NWD1: variants seen among roughly 807,000 people sequenced by gnomAD.
NWD1 encodes the protein NACHT domain- and WD repeat-containing protein 1.
NWD1 carries 129 observed loss-of-function variants against 135.1 expected under a neutral mutation model. The ratio of observed to expected loss-of-function variants is 0.96; its 90% confidence interval spans 0.83 to 1.11. The LOEUF (loss-of-function observed/expected upper bound fraction) is 1.11, where lower values mean the gene tolerates loss of function less well. NWD1 is among the 50% of genes least tolerant of loss of function. The pLI is 0.00. For missense variants in NWD1, 1,740 were observed against 1,851.3 expected, an observed-to-expected ratio of 0.94 and a Z score of 1.10; for synonymous variants, 773 against 786.0, an observed-to-expected ratio of 0.98 and a Z score of 0.28.
At chr19:16,726,846 AC>A (rs1967349606) in intron 2 of NWD1, among the ~76,000 whole-genome samples, 1 of 152,152 alleles carries the variant, frequency 6.6e-6, no homozygotes, top group Non-Finnish European at 1.5e-5. Flanking sequence ...CCTGGTCTCC[AC>A]CCACGTGATG....
At chr19:16,764,361 GTCCATCCATCCATCCATCCA>G (rs71180332) in intron 9 of NWD1, among the ~76,000 whole-genome samples, 13,547 of 145,130 alleles carry the variant, frequency 0.093, 1,069 homozygotes, top group African/African-American at 0.22. Context: ...CCCATCTTCT[GTCCATCCATCCATCCATCCA>G]TCCATCCATC....
intron 12 of NWD1, among the ~76,000 whole-genome samples, chr19:16,787,454 G>A (rs1473007546): frequency 6.6e-6 from 1 of 152,134 alleles, no homozygotes; most frequent in African/African-American, 2.4e-5. Context: ...GCAACTGATT[G>A]ACTCCCAACC....
In NWD1 at chr19:16,789,075, G is replaced by T; in HGVS notation, c.2825G>T (p.Gly942Val). 1 of 1,613,684 alleles carries T rather than the reference G, an allele frequency of 6.2e-7. No homozygotes were observed. The highest frequency in any genetic ancestry group is 8.5e-7 in the Non-Finnish European group (1 of 1,179,844). Residue 942 changes from glycine (G) to valine (V), a missense_variant, in exon 13 of 19, where the codon GGC becomes GTC. Gly to Val is a moderately radical substitution (Grantham distance 109). Transcript: ENST00000524140. ...YTLHLWNLLS[G>V]QEKFTIWDGG... ...CTGCACTTGTGGAACTTACTCTCTG[G>T]CCAGGAGAAATTTACCATTTGGGAT...
chr19:16,795,163 G>A (rs923327487), intron 15 of NWD1, among the ~76,000 whole-genome samples: 3 of 152,264 alleles, frequency 2.0e-5, no homozygotes, highest in Non-Finnish European at 4.4e-5. Context: ...TATTCAGCCT[G>A]TGGGGTCACA....
chr19:16,798,094 G>A (rs1970480348), intron 16 of NWD1, among the ~76,000 whole-genome samples: 2 of 152,158 alleles, frequency 1.3e-5, no homozygotes, highest in Admixed American at 6.6e-5. Flanking sequence ...AAAGGAGGTA[G>A]CATTCCCAAA....
chr19:16,720,793 TCTG>T (rs1967106401), intron 1 of NWD1, among the ~76,000 whole-genome samples: 1 of 152,088 alleles, frequency 6.6e-6, no homozygotes, highest in South Asian at 2.1e-4. Flanking sequence ...GACCTCATGA[TCTG>T]CCCTCCTCGG....
intron 10 of NWD1, among the ~76,000 whole-genome samples, chr19:16,767,793 T>C (rs889260621): frequency 3.3e-5 from 5 of 151,908 alleles, no homozygotes; most frequent in African/African-American, 9.7e-5. Context: ...CCCATATCTC[T>C]CCCCATTCTC....
At chr19:16,782,975 T>TCCTC (rs775287717) in intron 12 of NWD1, among the ~76,000 whole-genome samples, 23 of 144,182 alleles carry the variant, frequency 1.6e-4, no homozygotes, top group South Asian at 1.2e-3. Flanking sequence ...CTTCTTTCCT[T>TCCTC]CCTCCCTCCC....
At chr19:16,793,840 G>A (rs1279886925) in intron 14 of NWD1, among the ~76,000 whole-genome samples, 1 of 151,998 alleles carries the variant, frequency 6.6e-6, no homozygotes, top group African/African-American at 2.4e-5. Flanking sequence ...GTCTCCCAAA[G>A]TGCTGGGATT....
intron 12 of NWD1, among the ~76,000 whole-genome samples, chr19:16,782,837 G>GTTTC (rs1969900897): frequency 6.9e-6 from 1 of 145,022 alleles, no homozygotes; most frequent in Non-Finnish European, 1.5e-5. Context: ...TGTTGGCTGT[G>GTTTC]TTTCTTTTTC....
intron 1 of NWD1, among the ~76,000 whole-genome samples, chr19:16,721,779 C>T (rs1018498343): frequency 1.3e-4 from 20 of 152,100 alleles, no homozygotes; most frequent in African/African-American, 3.4e-4. Context: ...TGAATGGTGA[C>T]GCTCAACTCT....
chr19:16,744,981 G>A, intron 5 of NWD1: 1 of 635,112 alleles, frequency 1.6e-6, no homozygotes. Flanking sequence ...CTGGCACAGG[G>A]GCCGTATTAG....
intron 11 of NWD1, among the ~76,000 whole-genome samples, chr19:16,774,142 G>C (rs768382357): frequency 9.2e-6 from 1 of 108,942 alleles, no homozygotes; most frequent in African/African-American, 3.6e-5. Flanking sequence ...TCCATCTACT[G>C]CCCCATCCAT....
chr19:16,722,513 T>A (rs1967177588), intron 1 of NWD1, among the ~76,000 whole-genome samples: 1 of 151,776 alleles, frequency 6.6e-6, no homozygotes, highest in Admixed American at 6.6e-5. Context: ...GGTCTCAAAC[T>A]CCTGACCTCA....
intron 2 of NWD1, among the ~76,000 whole-genome samples, chr19:16,728,262 C>G (rs1599420291): frequency 6.8e-6 from 1 of 146,894 alleles, no homozygotes; most frequent in South Asian, 2.2e-4. Context: ...TATTATGGAA[C>G]ATTTGCTGGG....
intron 17 of NWD1, among the ~76,000 whole-genome samples, chr19:16,806,727 T>C (rs1368919806): frequency 6.8e-6 from 1 of 147,692 alleles, no homozygotes; most frequent in African/African-American, 2.5e-5. Context: ...AATAAATACA[T>C]AAATAGGCTG....
intron 7 of NWD1, among the ~76,000 whole-genome samples, chr19:16,759,763 G>C (rs1448447289): frequency 1.6e-4 from 25 of 152,152 alleles, no homozygotes; most frequent in Non-Finnish European, 3.2e-4. Context: ...GGGAGGCTGA[G>C]GTGGCGGATC....
Position 16,731,265 on chromosome 19 carries a change from G to A in NWD1, c.68G>A (p.Gly23Asp). The A allele has an allele frequency of 1.3e-6, 2 of 1,531,022 alleles. No homozygotes were observed. The highest frequency in any genetic ancestry group is 3.4e-4 in the Middle Eastern group (2 of 5,970). 94.8% of individuals were successfully genotyped at this position (1,531,022 alleles called of 1,614,324 possible). The change falls in exon 3 of 19, where the codon GGC becomes GAC. Residue 23 changes from glycine (G) to aspartate (D), a missense_variant. Gly to Asp is a moderately conservative substitution (Grantham distance 94, BLOSUM62 -1). Coordinates refer to ENST00000524140, the MANE Select transcript of NWD1 (RefSeq NM_001007525.5). Reference sequence around the variant, plus strand: ...TGCCAGACCTTCTGCCAGAGGCACGGCTTGATGTTTGAGGTAACTGGAAGT... The same window carrying A: ...TGCCAGACCTTCTGCCAGAGGCACGACTTGATGTTTGAGGTAACTGGAAGT... ...LKCQTFCQRH[G>D]LMFEVVDLRW... is the part of the protein sequence containing the mutation.
Position 16,750,368 on chromosome 19 carries a change from C to T in NWD1, c.1726C>T (p.Gln576Ter). 3 of 1,604,650 alleles carry T rather than the reference C, an allele frequency of 1.9e-6. No homozygotes were observed. Among genetic ancestry groups the T allele is most frequent in the Non-Finnish European group, 2.6e-6 (3 of 1,176,308 alleles). Residue 576 changes from glutamine (Q) to a stop codon, truncating the protein, a stop_gained, in exon 6 of 19, where the codon CAG (glutamine) becomes TAG (stop). Coordinates refer to ENST00000524140, the MANE Select transcript of NWD1 (RefSeq NM_001007525.5). LOFTEE classifies it high-confidence loss of function. Reference sequence around the variant, plus strand: ...CACCCGCCTGGAGCAGACACACGGGCAGCTCCTCGTGGCCCACGTGCTGGG... The same window carrying T: ...CACCCGCCTGGAGCAGACACACGGGTAGCTCCTCGTGGCCCACGTGCTGGG... The part of the protein sequence containing the change: ...LCTRLEQTHG[Q>*]LLVAHVLGYI...
Sources: allele counts gnomAD v4.1 joint callset (sites outside exome capture counted in the v4.1 genomes callset), GRCh38; gene constraint gnomAD v4.1.1; transcripts MANE v1.5; gene names NCBI Gene and HGNC (gene_info 2026-07-23, HGNC 2026-07-21).